NCKAP5: variants seen among roughly 807,000 people sequenced by gnomAD.
NCKAP5 encodes NCK associated protein 5, also known as nck-associated protein 5.
A neutral mutation model predicts 167.0 loss-of-function variants in NCKAP5; 92 were observed. The observed-to-expected ratio is 0.55, with a 90% CI of 0.47 to 0.66. The LOEUF (loss-of-function observed/expected upper bound fraction) is 0.66, where lower values mean the gene tolerates loss of function less well. Ranked by LOEUF, NCKAP5 falls within the 30% of genes least tolerant of loss-of-function variation. NCKAP5 has a pLI of 0.00. For synonymous variants in NCKAP5, 891 were observed against 877.4 expected (o/e 1.02, Z -0.27); for missense variants, 2,378 against 2,315.0 (o/e 1.03, Z -0.56).
intron 16 of NCKAP5, among the ~76,000 whole-genome samples, chr2:132,764,702 A>G (rs1433293736): frequency 6.6e-6 from 1 of 152,206 alleles, no homozygotes; most frequent in Non-Finnish European, 1.5e-5. Flanking sequence ...TATTGAGAAC[A>G]TTTGCACTTC....
intron 6 of NCKAP5, among the ~76,000 whole-genome samples, chr2:133,020,372 A>T (rs2149389053): frequency 6.6e-6 from 1 of 152,336 alleles, no homozygotes; most frequent in African/African-American, 2.4e-5. Flanking sequence ...ACCACCACTT[A>T]GTCCAGATAA....
chr2:132,883,863 GC>G (rs1251033463), intron 8 of NCKAP5, among the ~76,000 whole-genome samples: 5 of 152,136 alleles, frequency 3.3e-5, no homozygotes, highest in Non-Finnish European at 7.3e-5. Flanking sequence ...GTCTTCTTTG[GC>G]AGGTGCTTGA....
chr2:133,199,413 C>A (rs555351014), intron 5 of NCKAP5, among the ~76,000 whole-genome samples: 1 of 152,044 alleles, frequency 6.6e-6, no homozygotes, highest in Admixed American at 6.6e-5. Context: ...AAAGCAGTCA[C>A]CTCCCTCAAA....
intron 7 of NCKAP5, among the ~76,000 whole-genome samples, chr2:132,964,241 T>C (rs1265118101): frequency 6.6e-6 from 1 of 152,228 alleles, no homozygotes; most frequent in Non-Finnish European, 1.5e-5. Context: ...GTGAAAGGCA[T>C]AGCTCCTCAA....
At chr2:132,982,727 T>C (rs1192869174) in intron 7 of NCKAP5, among the ~76,000 whole-genome samples, 1 of 152,164 alleles carries the variant, frequency 6.6e-6, no homozygotes, top group East Asian at 1.9e-4. Context: ...CAATTAGCCA[T>C]TGTTTAGCTC....
At chr2:132,943,712 A>C (rs1697470459) in intron 8 of NCKAP5, among the ~76,000 whole-genome samples, 1 of 152,202 alleles carries the variant, frequency 6.6e-6, no homozygotes, top group African/African-American at 2.4e-5. Flanking sequence ...CAACAGCTTC[A>C]GGTTCCAGAA....
intron 4 of NCKAP5, among the ~76,000 whole-genome samples, chr2:133,247,710 G>A (rs555164079): frequency 2.6e-5 from 4 of 152,252 alleles, no homozygotes; most frequent in Admixed American, 6.5e-5. Flanking sequence ...CTGGCAACCC[G>A]GAAGTAGGCA....
At chr2:132,704,458 A>G (rs1271083612) in intron 19 of NCKAP5, among the ~76,000 whole-genome samples, 1 of 152,198 alleles carries the variant, frequency 6.6e-6, no homozygotes, top group Non-Finnish European at 1.5e-5. Context: ...ACACAGGTGA[A>G]CACCTGAGCT....
chr2:133,318,762 A>C (rs1309762422), intron 3 of NCKAP5, among the ~76,000 whole-genome samples: 1 of 152,160 alleles, frequency 6.6e-6, no homozygotes, highest in Non-Finnish European at 1.5e-5. Flanking sequence ...CAATGGTGCA[A>C]TGCAATAACT....
At chr2:133,317,070 G>C (rs1681658251) in intron 3 of NCKAP5, among the ~76,000 whole-genome samples, 1 of 152,154 alleles carries the variant, frequency 6.6e-6, no homozygotes. Flanking sequence ...GGAAATAAAG[G>C]ATGGAGCGCC....
At chr2:133,291,763 C>T (rs963366074) in intron 4 of NCKAP5, among the ~76,000 whole-genome samples, 2 of 152,222 alleles carry the variant, frequency 1.3e-5, no homozygotes, top group African/African-American at 4.8e-5. Flanking sequence ...AAGACGTTTG[C>T]GTTCCCACGC....
intron 4 of NCKAP5, among the ~76,000 whole-genome samples, chr2:133,246,815 G>A (rs543297474): frequency 1.3e-5 from 2 of 152,276 alleles, no homozygotes; most frequent in South Asian, 4.2e-4. Flanking sequence ...ATTAAATGAG[G>A]AGATGCAGAA....
intron 3 of NCKAP5, among the ~76,000 whole-genome samples, chr2:133,490,423 G>C (rs1291886013): frequency 6.6e-6 from 1 of 152,122 alleles, no homozygotes; most frequent in African/African-American, 2.4e-5. Context: ...TTCTACTGAC[G>C]GAGCAGTTAA....
intron 7 of NCKAP5, among the ~76,000 whole-genome samples, chr2:132,978,363 A>G (rs1356033502): frequency 2.0e-5 from 3 of 152,186 alleles, no homozygotes; most frequent in Non-Finnish European, 2.9e-5. Flanking sequence ...CCACAATCAT[A>G]GGGAGGGGAA....
At chr2:133,133,745 C>T (rs2082690093) in intron 5 of NCKAP5, among the ~76,000 whole-genome samples, 1 of 152,168 alleles carries the variant, frequency 6.6e-6, no homozygotes, top group East Asian at 1.9e-4. Flanking sequence ...CAAAATGTGT[C>T]CACCTTCATT....
chr2:132,761,424 C>T (rs1269345307), intron 16 of NCKAP5, among the ~76,000 whole-genome samples: 1 of 152,366 alleles, frequency 6.6e-6, no homozygotes, highest in African/African-American at 2.4e-5. Flanking sequence ...TAGAGACTAG[C>T]GCATGCCCCA....
chr2:132,939,972 C>T (rs1421990918), intron 8 of NCKAP5, among the ~76,000 whole-genome samples: 3 of 152,090 alleles, frequency 2.0e-5, no homozygotes, highest in South Asian at 4.1e-4. Context: ...TGCACTCCAG[C>T]CTGGGTGGAG....
intron 19 of NCKAP5, among the ~76,000 whole-genome samples, chr2:132,697,783 G>C (rs1687487961): frequency 6.6e-6 from 1 of 152,158 alleles, no homozygotes. Flanking sequence ...TAGAGAAATG[G>C]CTGTTTCCAA....
chr2:133,001,869 A>C (rs1253903281), intron 6 of NCKAP5, among the ~76,000 whole-genome samples: 2 of 152,206 alleles, frequency 1.3e-5, no homozygotes, highest in Non-Finnish European at 2.9e-5. Context: ...AAAAAACTGC[A>C]CAAAGTTCCA....
Sources: allele counts gnomAD v4.1 joint callset (sites outside exome capture counted in the v4.1 genomes callset), GRCh38; gene constraint gnomAD v4.1.1; transcripts MANE v1.5; gene names NCBI Gene and HGNC (gene_info 2026-07-23, HGNC 2026-07-21).